CEP192: variants seen among roughly 807,000 people sequenced by gnomAD.
The protein encoded by CEP192 is centrosomal protein of 192 kDa.
In CEP192, 151 loss-of-function variants were observed where a neutral mutation model predicts 271.8. The observed-to-expected ratio is 0.56, with a 90% confidence interval of 0.49 to 0.64. The LOEUF (loss-of-function observed/expected upper bound fraction) is 0.64, where lower values mean the gene tolerates loss of function less well. Ranked by LOEUF, CEP192 falls within the 30% of genes least tolerant of loss-of-function variation. The probability of loss-of-function intolerance (pLI) is 0.00; values close to 1 mark genes in which losing one functional copy is unlikely to be tolerated. For missense variants in CEP192, 2,910 were observed against 3,020.5 expected (o/e 0.96, Z 0.86); for synonymous variants, 995 against 1,076.5 (o/e 0.92, Z 1.48).
intron 40 of CEP192, among the ~76,000 whole-genome samples, chr18:13,110,867 A>G (rs565334062): frequency 1.1e-3 from 168 of 152,240 alleles, no homozygotes; most frequent in Non-Finnish European, 1.3e-3. Flanking sequence ...AACGGAAGGA[A>G]GCATCCAGCA....
chr18:13,084,124 G>A (rs534976239), intron 30 of CEP192, among the ~76,000 whole-genome samples: 83 of 152,288 alleles, frequency 5.5e-4, no homozygotes, highest in African/African-American at 1.9e-3. Flanking sequence ...GAGCTCAAAC[G>A]TCATGCTGGG....
intron 11 of CEP192, among the ~76,000 whole-genome samples, chr18:13,031,574 G>A (rs973897511): frequency 2.6e-5 from 4 of 152,064 alleles, no homozygotes; most frequent in Admixed American, 1.3e-4. Context: ...ATAGGCTTGC[G>A]CCAGAGGAAG....
chr18:13,030,711 T>C (rs529880938), intron 11 of CEP192, 103 bp downstream of exon 11: 1 of 845,568 alleles, frequency 1.2e-6, no homozygotes, highest in South Asian at 2.0e-5. Flanking sequence ...CCTTCTGGAC[T>C]ATCACTGTAT....
At chr18:13,106,025 CCAA>C (rs1185201274) in intron 40 of CEP192, among the ~76,000 whole-genome samples, 1 of 152,080 alleles carries the variant, frequency 6.6e-6, no homozygotes, top group East Asian at 1.9e-4. Flanking sequence ...TATCAAACTG[CCAA>C]CGTCATTTTT....
intron 17 of CEP192, among the ~76,000 whole-genome samples, chr18:13,051,537 A>C (rs2036789962): frequency 6.6e-6 from 1 of 152,000 alleles, no homozygotes; most frequent in South Asian, 2.1e-4. Context: ...TTGATTTGGG[A>C]CTTTTTATTT....
chr18:13,008,863 T>C (rs900710452), intron 4 of CEP192, among the ~76,000 whole-genome samples: 11 of 152,062 alleles, frequency 7.2e-5, no homozygotes, highest in Admixed American at 5.9e-4. Context: ...CACACCACCA[T>C]GCTAGGCTAA....
At chr18:13,092,238 G>T (rs2039179178) in intron 33 of CEP192, 139 bp from the exon 34 acceptor site, 1 of 553,194 alleles carries the variant, frequency 1.8e-6, no homozygotes, top group African/African-American at 2.0e-5. Context: ...GTGCCAGGTG[G>T]TATACTGCTA....
chr18:13,036,741 AG>A lies in CEP192; in HGVS notation c.1535-494del, dbSNP rs557982353. On this transcript the variant is annotated intron_variant, in intron 11 of 44. Transcript: ENST00000506447. ...GGCGTTCCTTTCCCAGGGAGGGCTG[AG>A]GTGCTCGGCAGCAGCCTTGAGGGCA... Among the ~76,000 whole-genome samples, 3 of 152,300 alleles carry A rather than the reference AG, an allele frequency of 2.0e-5. No homozygotes were observed. The South Asian group carries it at 6.2e-4, about 32-fold the overall frequency.
chr18:13,046,352 A>C (rs755299038), intron 15 of CEP192, among the ~76,000 whole-genome samples: 28 of 152,192 alleles, frequency 1.8e-4, no homozygotes, highest in Non-Finnish European at 3.4e-4. Context: ...ACATCTCAAC[A>C]TAAGATTTGG....
chr18:13,110,118 C>G (rs1056904964), intron 40 of CEP192, among the ~76,000 whole-genome samples: 1 of 152,090 alleles, frequency 6.6e-6, no homozygotes, highest in African/African-American at 2.4e-5. Flanking sequence ...TTTGTTCATT[C>G]TAAGATTTAG....
At position 13,056,240 on chromosome 18, in the gene CEP192, A is replaced by G. The variant is rs1216195728; in HGVS notation, c.3650A>G (p.His1217Arg). ...AGREFSGQVS[H>R]QTTSENQCTP... Reference sequence around the variant, plus strand: ...CGTGAGTTCAGTGGCCAGGTTTCTCATCAGACCACCTCTGAAAACCAGTGT... The same window carrying G: ...CGTGAGTTCAGTGGCCAGGTTTCTCGTCAGACCACCTCTGAAAACCAGTGT... The change falls in exon 19 of 45, where the codon CAT (histidine) becomes CGT (arginine). Residue 1217 changes from histidine (H) to arginine (R), a missense_variant. Physicochemically the swap from His to Arg is conservative, Grantham distance 29. Transcript: ENST00000506447. 5 of 1,613,242 alleles carry G rather than the reference A, an allele frequency of 3.1e-6. No individual in the cohort carries two copies. The highest frequency in any genetic ancestry group is 4.2e-6 in the Non-Finnish European group (5 of 1,179,228).
Position 13,056,530 on chromosome 18 carries a change from C to G in CEP192, c.3940C>G (p.Leu1314Val), listed in dbSNP as rs1317490078. ...GAACTCTGTGGCTGTGGGAATTTGTCTAGGATCAAATATCGGCTCTGGATG... is the reference window on the plus strand; with the variant it reads ...GAACTCTGTGGCTGTGGGAATTTGTGTAGGATCAAATATCGGCTCTGGATG... ...VQNSVAVGIC[L>V]GSNIGSGWMG... Residue 1314 changes from leucine (L) to valine (V), a missense_variant, in exon 19 of 45, where the codon CTA (leucine) becomes GTA (valine). Leu to Val is a conservative substitution (Grantham distance 32, BLOSUM62 1). Coordinates refer to ENST00000506447, the MANE Select transcript of CEP192 (RefSeq NM_032142.4). 2 of 1,614,190 alleles carry G rather than the reference C, an allele frequency of 1.2e-6. No individual in the cohort carries two copies. The highest frequency in any genetic ancestry group is 1.3e-5 in the African/African-American group (1 of 75,062).
intron 38 of CEP192, among the ~76,000 whole-genome samples, chr18:13,100,758 T>A (rs1415573431): frequency 6.6e-6 from 1 of 152,214 alleles, no homozygotes; most frequent in Admixed American, 6.5e-5. Flanking sequence ...TCAGAACCTT[T>A]CCTGTGCAAC....
chr18:13,088,735 T>G (rs2039008183), intron 32 of CEP192: 1 of 238,240 alleles, frequency 4.2e-6, no homozygotes, highest in South Asian at 4.9e-5. Context: ...GGAAATTGTT[T>G]TGTTTTTAAT....
intron 4 of CEP192, 89 bp downstream of exon 4, chr18:13,008,720 TGAGG>T (rs2034138090): frequency 1.0e-6 from 1 of 965,270 alleles, no homozygotes; most frequent in Non-Finnish European, 1.5e-6. Flanking sequence ...TTTTTTTTTT[TGAGG>T]CAGGGTCGCA....
At chr18:13,012,848 C>T in intron 4 of CEP192, 125 bp from the exon 5 acceptor site, 1 of 576,778 alleles carries the variant, frequency 1.7e-6, no homozygotes, top group Non-Finnish European at 3.1e-6. Context: ...GATTCATATA[C>T]ATCATTTAAA....
At chr18:13,067,771 T>C in intron 21 of CEP192, 60 bp from the exon 22 acceptor site, 1 of 1,437,670 alleles carries the variant, frequency 7.0e-7, no homozygotes, top group Non-Finnish European at 9.7e-7. Flanking sequence ...GATATGAACA[T>C]ACATGTTGTG....
intron 9 of CEP192, among the ~76,000 whole-genome samples, chr18:13,019,814 T>C (rs1159437007): frequency 6.6e-6 from 1 of 152,050 alleles, no homozygotes; most frequent in African/African-American, 2.4e-5. Flanking sequence ...AAATTTACTA[T>C]CTTAATCTTT....
At chr18:13,114,671 TATTA>T (rs1282373693) in intron 42 of CEP192, among the ~76,000 whole-genome samples, 2 of 152,172 alleles carry the variant, frequency 1.3e-5, no homozygotes, top group African/African-American at 2.4e-5. Flanking sequence ...TTGGAATGAT[TATTA>T]ATTAAGGTGC....
Sources: allele counts gnomAD v4.1 joint callset (sites outside exome capture counted in the v4.1 genomes callset), GRCh38; gene constraint gnomAD v4.1.1; transcripts MANE v1.5; gene names NCBI Gene and HGNC (gene_info 2026-07-23, HGNC 2026-07-21).